Variants in ZHX2 observed in about 807,000 individuals in gnomAD.
The protein encoded by ZHX2 is zinc fingers and homeoboxes protein 2.
A neutral mutation model predicts 21.9 loss-of-function variants in ZHX2; 6 were observed. The observed-to-expected ratio is 0.27, with a 90% CI of 0.15 to 0.54. The LOEUF (loss-of-function observed/expected upper bound fraction) is 0.54. Among genes scored for constraint, ZHX2 ranks in the 20% least tolerant of loss-of-function variants. The pLI is 0.95. For synonymous variants in ZHX2, 434 were observed against 437.1 expected, an observed-to-expected ratio of 0.99 and a Z score of 0.09; for missense variants, 908 against 1,090.7, an observed-to-expected ratio of 0.83 and a Z score of 2.36.
intron 2 of ZHX2, among the ~76,000 whole-genome samples, chr8:122,947,739 C>T (rs1040661301): frequency 1.3e-5 from 2 of 151,808 alleles, no homozygotes; most frequent in South Asian, 2.1e-4. Flanking sequence ...AGGCGGTTCT[C>T]GGGGTGGGAT....
intron 1 of ZHX2, among the ~76,000 whole-genome samples, chr8:122,802,067 C>T (rs1411673651): frequency 6.6e-6 from 1 of 151,948 alleles, no homozygotes; most frequent in Non-Finnish European, 1.5e-5. Context: ...TTCCTGGAGT[C>T]ATCTTTTTTC....
At chr8:122,790,115 A>G (rs762677286) in intron 1 of ZHX2, among the ~76,000 whole-genome samples, 1 of 152,214 alleles carries the variant, frequency 6.6e-6, no homozygotes, top group Non-Finnish European at 1.5e-5. Context: ...AGGATATATA[A>G]TGTCCTCTGG....
chr8:122,957,965 T>C (rs1813352537), intron 3 of ZHX2, among the ~76,000 whole-genome samples: 1 of 152,274 alleles, frequency 6.6e-6, no homozygotes, highest in South Asian at 2.1e-4. Flanking sequence ...TATTCAGTGA[T>C]GTCCCTATTT....
chr8:122,937,048 T>A (rs1191533288), intron 2 of ZHX2, among the ~76,000 whole-genome samples: 2 of 152,162 alleles, frequency 1.3e-5, no homozygotes, highest in Non-Finnish European at 2.9e-5. Flanking sequence ...TAGGGGTCTT[T>A]CTCTAGAAAA....
intron 1 of ZHX2, among the ~76,000 whole-genome samples, chr8:122,799,767 G>A (rs1342126988): frequency 6.6e-6 from 1 of 152,204 alleles, no homozygotes; most frequent in African/African-American, 2.4e-5. Context: ...AGATTCTCGA[G>A]GAGAGTCCTG....
chr8:122,959,015 T>A (rs1813377330), intron 3 of ZHX2, among the ~76,000 whole-genome samples: 1 of 150,876 alleles, frequency 6.6e-6, no homozygotes, highest in Admixed American at 6.6e-5. Flanking sequence ...TTTTCCAACA[T>A]GTTGTCTGAT....
intron 1 of ZHX2, among the ~76,000 whole-genome samples, chr8:122,809,969 C>T (rs1817894410): frequency 6.6e-6 from 1 of 152,070 alleles, no homozygotes; most frequent in African/African-American, 2.4e-5. Context: ...GGCTACTTTT[C>T]ATTAGAAGAT....
chr8:122,780,742 G>C (rs917004262), upstream of ZHX2: 1 of 152,238 alleles, frequency 6.6e-6, no homozygotes, highest in Non-Finnish European at 1.5e-5. Flanking sequence ...TGGAGTCCCA[G>C]TTGCGAAAGC....
intron 3 of ZHX2, among the ~76,000 whole-genome samples, chr8:122,965,309 C>T (rs917072533): frequency 2.0e-5 from 3 of 152,086 alleles, no homozygotes; most frequent in Non-Finnish European, 4.4e-5. Flanking sequence ...CCTCTTGGCA[C>T]TGCTTTTGCT....
chr8:122,939,625 G>GCTTTCCTAAC (rs1812792798), intron 2 of ZHX2, among the ~76,000 whole-genome samples: 1 of 152,184 alleles, frequency 6.6e-6, no homozygotes, highest in Admixed American at 6.5e-5. Flanking sequence ...AGAGATGCTT[G>GCTTTCCTAAC]GAGATGGAAA....
chr8:122,909,464 GT>G (rs1820424976), intron 2 of ZHX2, among the ~76,000 whole-genome samples: 1 of 151,448 alleles, frequency 6.6e-6, no homozygotes, highest in Admixed American at 6.6e-5. Flanking sequence ...TGGGGCAGGC[GT>G]TAGGGGACAA....
At chr8:122,942,968 A>T (rs888011046) in intron 2 of ZHX2, among the ~76,000 whole-genome samples, 5 of 152,326 alleles carry the variant, frequency 3.3e-5, no homozygotes, top group Middle Eastern at 3.4e-3. Flanking sequence ...CCTGTTAGGA[A>T]TGCACAGTCA....
intron 1 of ZHX2, among the ~76,000 whole-genome samples, chr8:122,853,281 A>T (rs1353609301): frequency 2.6e-5 from 4 of 152,120 alleles, no homozygotes; most frequent in Non-Finnish European, 5.9e-5. Flanking sequence ...GGCTTTTCAC[A>T]TCGTATTTCC....
At chr8:122,817,783 G>A (rs770848785) in intron 1 of ZHX2, among the ~76,000 whole-genome samples, 4 of 152,210 alleles carry the variant, frequency 2.6e-5, no homozygotes, top group Non-Finnish European at 4.4e-5. Context: ...GCCAGCTGGA[G>A]GCTAGATGGC....
At chr8:122,798,076 G>A (rs192455748) in intron 1 of ZHX2, among the ~76,000 whole-genome samples, 30 of 152,346 alleles carry the variant, frequency 2.0e-4, no homozygotes, top group Non-Finnish European at 3.5e-4. Flanking sequence ...AAGCAACGCA[G>A]CGAGGAAGGG....
chr8:122,944,122 C>G (rs749101107), intron 2 of ZHX2, among the ~76,000 whole-genome samples: 3 of 152,206 alleles, frequency 2.0e-5, no homozygotes, highest in Admixed American at 6.5e-5. Context: ...TCTACTCCCC[C>G]TTTGAAGCCC....
At chr8:122,893,700 T>C (rs76795028) in intron 2 of ZHX2, among the ~76,000 whole-genome samples, 7,401 of 152,288 alleles carry the variant, frequency 0.049, 589 homozygotes, top group African/African-American at 0.17. Flanking sequence ...TTGTTGACTT[T>C]CTCATTGAGA....
intron 1 of ZHX2, among the ~76,000 whole-genome samples, chr8:122,812,215 C>T (rs771542368): frequency 3.9e-5 from 6 of 151,956 alleles, no homozygotes; most frequent in Non-Finnish European, 8.8e-5. Context: ...GCGAGGAGTC[C>T]GATGTGTGCA....
chr8:122,961,504 C>T (rs945141883), intron 3 of ZHX2, among the ~76,000 whole-genome samples: 1 of 152,084 alleles, frequency 6.6e-6, no homozygotes, highest in Non-Finnish European at 1.5e-5. Context: ...AAGAACTGCC[C>T]AAGACTAGGT....
Sources: gnomAD v4.1 joint callset for allele counts (sites outside exome capture counted in the v4.1 genomes callset) on GRCh38, gnomAD v4.1.1 for gene constraint, MANE v1.5 for transcripts, NCBI Gene and HGNC (gene_info 2026-07-23, HGNC 2026-07-21) for gene names.